Variants in CDK6 observed in about 807,000 individuals in gnomAD.
The protein encoded by CDK6 is cyclin-dependent kinase 6.
Under a neutral mutation model 37.1 loss-of-function variants are expected in CDK6, and 6 were observed. The ratio of observed to expected loss-of-function variants is 0.16; its 90% CI spans 0.09 to 0.32. The LOEUF is 0.32. CDK6 is among the 10% of genes least tolerant of loss of function. The pLI, the probability that CDK6 is intolerant of heterozygous loss-of-function variation, is 1.00. For synonymous variants in CDK6, 160 were observed against 161.3 expected (o/e 0.99, Z 0.06); for missense variants, 224 against 418.9 (o/e 0.53, Z 4.06).
chr7:92,638,556 T>C (rs1796228595), intron 5 of CDK6, among the ~76,000 whole-genome samples: 1 of 152,218 alleles, frequency 6.6e-6, no homozygotes, highest in Non-Finnish European at 1.5e-5. Context: ...CAACACACCC[T>C]GTGTTGACCC....
chr7:92,666,796 G>C lies in CDK6; in HGVS notation c.647+4630C>G, dbSNP rs563550782. Among the ~76,000 whole-genome samples the C allele has an allele frequency of 2.8e-4, 42 of 152,294 alleles. 1 individual carries two copies. Among genetic ancestry groups the C allele is most frequent in the South Asian group, 2.5e-3 (12 of 4,826 alleles). ...AGTATAGCACATATAATTATATACA[G>C]TACATAATATTTGCTAATACAAGAC... On this transcript the variant is annotated intron_variant, in intron 5 of 7. Transcript: ENST00000424848.
At chr7:92,654,171 T>C (rs1796637579) in intron 5 of CDK6, among the ~76,000 whole-genome samples, 1 of 151,730 alleles carries the variant, frequency 6.6e-6, no homozygotes, top group Admixed American at 6.5e-5. Flanking sequence ...TGTTTTCACA[T>C]TTTAGAGTGT....
chr7:92,653,734 T>G (rs1796627544), intron 5 of CDK6, among the ~76,000 whole-genome samples: 1 of 152,210 alleles, frequency 6.6e-6, no homozygotes, highest in African/African-American at 2.4e-5. Flanking sequence ...TTTCTTTAAT[T>G]ATGGCTTTTA....
Position 92,743,558 on chromosome 7 carries a change from A to G in CDK6, c.370-17765T>C, listed in dbSNP as rs376588068. Among the ~76,000 whole-genome samples, 104 of 152,274 alleles carry G rather than the reference A, an allele frequency of 6.8e-4. 1 individual carries two copies. The highest frequency in any genetic ancestry group is 2.4e-3 in the African/African-American group (101 of 41,586). Reference sequence around the variant, plus strand: ...TATTTAAAAATGGGTTAAAGATGTGAACAGGCACTTCACAAAAGGGGAAAC... The same window carrying G: ...TATTTAAAAATGGGTTAAAGATGTGGACAGGCACTTCACAAAAGGGGAAAC... On this transcript the variant is annotated intron_variant, in intron 3 of 7. Coordinates refer to ENST00000424848, the MANE Select transcript of CDK6 (RefSeq NM_001145306.2).
chr7:92,741,227 T>A (rs901044503), intron 3 of CDK6, among the ~76,000 whole-genome samples: 1 of 152,206 alleles, frequency 6.6e-6, no homozygotes, highest in East Asian at 1.9e-4. Context: ...GAGTGATATA[T>A]ACAGCTTGAT....
chr7:92,674,716 T>C (rs972602256), intron 4 of CDK6, among the ~76,000 whole-genome samples: 1 of 152,220 alleles, frequency 6.6e-6, no homozygotes, highest in South Asian at 2.1e-4. Flanking sequence ...TACACAGATA[T>C]CATGAAGGCA....
At chr7:92,712,794 A>G (rs1156340743) in intron 4 of CDK6, among the ~76,000 whole-genome samples, 1 of 152,206 alleles carries the variant, frequency 6.6e-6, no homozygotes, top group Non-Finnish European at 1.5e-5. Flanking sequence ...CAGTTTGGGT[A>G]TAAGAACATG....
Position 92,611,172 on chromosome 7 carries a change from A to T in CDK6, c.*3968T>A, listed in dbSNP as rs1376436234. ...TCTATTGCCCACTGTTTTATGAATA[A>T]TTTTTAAAGCCTTAGAAATCATACA... On this transcript the variant is annotated 3_prime_UTR_variant, in exon 8 of 8. Coordinates refer to ENST00000424848, the MANE Select transcript of CDK6 (RefSeq NM_001145306.2). The T allele has an allele frequency of 4.4e-6, 1 of 226,732 alleles. No homozygotes were observed. The highest frequency in any genetic ancestry group is 2.2e-5 in the African/African-American group (1 of 44,948). 14.0% of individuals were successfully genotyped at this position (226,732 alleles called of 1,614,324 possible).
Position 92,725,637 on chromosome 7 carries a change from G to A in CDK6, c.526C>T (p.Leu176=), listed in dbSNP as rs2116709353. ...LARIYSFQMA[L]TSVVVTLWYR... The stretch of plus-strand genomic sequence containing the variant: ...ACTCTCTCACTCACCACTGAGGTTA[G>A]AGCCATCTGGAAACTATAGATGCGG... The change falls in exon 4 of 8, where the codon CTA becomes TTA. Residue 176 remains leucine (L), a synonymous_variant. Transcript: ENST00000424848. 1 of 1,613,778 alleles carries A rather than the reference G, an allele frequency of 6.2e-7. No homozygotes were observed. The highest frequency in any genetic ancestry group is 8.5e-7 in the Non-Finnish European group (1 of 1,179,838).
chr7:92,818,109 A>T (rs1459888731), intron 2 of CDK6, among the ~76,000 whole-genome samples: 2 of 151,952 alleles, frequency 1.3e-5, no homozygotes, highest in Admixed American at 1.3e-4. Flanking sequence ...TAACAAGCTG[A>T]CTCTAAAATT....
intron 4 of CDK6, among the ~76,000 whole-genome samples, chr7:92,686,352 T>C (rs548398289): frequency 6.6e-6 from 1 of 152,214 alleles, no homozygotes; most frequent in Non-Finnish European, 1.5e-5. Flanking sequence ...TCATTGCTTA[T>C]GAGTGAGAAC....
At position 92,709,664 on chromosome 7, in the gene CDK6, C is replaced by T. The variant is rs145132876; in HGVS notation, c.537+15962G>A. Among the ~76,000 whole-genome samples, 754 of 151,890 alleles carry T rather than the reference C, an allele frequency of 5.0e-3. 4 individuals carry two copies. Among genetic ancestry groups the T allele is most frequent in the African/African-American group, 0.017 (716 of 41,402 alleles). ...CATACTATTTATGTAATATAAATTA[C>T]GTAAATAATATTAATGAAATTCACA... On this transcript the variant is annotated intron_variant, in intron 4 of 7. Transcript: ENST00000424848.
At chr7:92,825,593 A>T (rs948142669) in intron 2 of CDK6, among the ~76,000 whole-genome samples, 1 of 152,182 alleles carries the variant, frequency 6.6e-6, no homozygotes, top group Non-Finnish European at 1.5e-5. Context: ...CTGTACACAA[A>T]TTATGAAGAG....
intron 5 of CDK6, among the ~76,000 whole-genome samples, chr7:92,644,348 A>T (rs1383187670): frequency 6.6e-6 from 1 of 152,158 alleles, no homozygotes; most frequent in African/African-American, 2.4e-5. Context: ...TACAGCTAAG[A>T]AGGGAATATT....
intron 3 of CDK6, among the ~76,000 whole-genome samples, chr7:92,742,868 G>A (rs988869738): frequency 7.9e-5 from 12 of 152,008 alleles, no homozygotes; most frequent in African/African-American, 2.7e-4. Context: ...TTTAGAGTTC[G>A]CAGTTAAAAA....
chr7:92,672,160 T>TATATACACACACACACACAC (rs1210519115), intron 4 of CDK6, among the ~76,000 whole-genome samples: 1 of 79,092 alleles, frequency 1.3e-5, no homozygotes, highest in African/African-American at 5.5e-5. Context: ...TATATATATA[T>TATATACACACACACACACAC]ACACATACAC....
intron 2 of CDK6, among the ~76,000 whole-genome samples, chr7:92,809,367 C>T (rs1800814743): frequency 6.6e-6 from 1 of 152,164 alleles, no homozygotes; most frequent in South Asian, 2.1e-4. Context: ...AACTAATTGA[C>T]AACGACAATC....
chr7:92,764,763 C>T (rs112291659), intron 3 of CDK6, among the ~76,000 whole-genome samples: 19 of 152,316 alleles, frequency 1.2e-4, no homozygotes, highest in African/African-American at 4.1e-4. Flanking sequence ...TCAACAATTA[C>T]TTACTAGAAC....
intron 2 of CDK6, among the ~76,000 whole-genome samples, chr7:92,798,101 T>TA (rs1270234765): frequency 6.6e-6 from 1 of 152,216 alleles, no homozygotes; most frequent in Non-Finnish European, 1.5e-5. Context: ...TCAACACTGT[T>TA]AGAGAATTTT....
Sources: allele counts gnomAD v4.1 joint callset (sites outside exome capture counted in the v4.1 genomes callset), GRCh38; gene constraint gnomAD v4.1.1; transcripts MANE v1.5; gene names NCBI Gene and HGNC (gene_info 2026-07-23, HGNC 2026-07-21).